The following IL17RA variants were observed in gnomAD, a reference collection of about 807,000 sequenced individuals.
IL17RA encodes interleukin-17 receptor A.
In IL17RA, 34 loss-of-function variants were observed where a neutral mutation model predicts 50.4. The ratio of observed to expected loss-of-function variants is 0.67; its 90% CI spans 0.51 to 0.90. The LOEUF is 0.90. Among genes scored for constraint, IL17RA ranks in the 40% least tolerant of loss-of-function variants. IL17RA has a pLI of 0.00. For missense variants in IL17RA, 1,276 were observed against 1,169.8 expected (o/e 1.09, Z -1.32); for synonymous variants, 585 against 510.4 (o/e 1.15, Z -1.97).
chr22:17,089,286 C>G (rs151036273), intron 1 of IL17RA, among the ~76,000 whole-genome samples: 1 of 152,158 alleles, frequency 6.6e-6, no homozygotes, highest in African/African-American at 2.4e-5. Flanking sequence ...AGCAAAACTT[C>G]GTCATGCAAA....
rs2061410286 is a variant in IL17RA at position 17,105,503 on chromosome 22, G to C, written c.932-88G>C. On this transcript the variant is annotated intron_variant, in intron 9 of 12. Coordinates refer to ENST00000319363, the MANE Select transcript of IL17RA (RefSeq NM_014339.7). ...CTGGTGCAGGGCCAACATCATTAAA[G>C]CCCTCAAGGGACGTCAGTTGTGTTT... 2.6e-5 allele frequency: 34 copies of C among 1,298,820 alleles called. 1 individual carries two copies. In the South Asian group the frequency reaches 3.9e-4, roughly 15 times the overall value. The allele number at this position is 1,298,820 out of a possible 1,614,324, so 80.5% of individuals were successfully genotyped here. A position where few individuals can be genotyped will look rare whatever the true frequency, so the allele number is the denominator to read the frequency against.
intron 1 of IL17RA, among the ~76,000 whole-genome samples, chr22:17,088,357 C>T (rs2123789524): frequency 6.6e-6 from 1 of 152,248 alleles, no homozygotes. Flanking sequence ...TTTGCTCTGT[C>T]GCCCAGGCTG....
chr22:17,094,671 C>CTATATATATATATATATGTGTATATA (rs1568917407), intron 1 of IL17RA, among the ~76,000 whole-genome samples: 6 of 40,764 alleles, frequency 1.5e-4, no homozygotes, highest in Non-Finnish European at 2.5e-4. Context: ...CTCTCTCTCT[C>CTATATATATATATATATGTGTATATA]TCTCTCTCTC....
chr22:17,089,151 T>G (rs1246714722), intron 1 of IL17RA, among the ~76,000 whole-genome samples: 1 of 151,592 alleles, frequency 6.6e-6, no homozygotes, highest in Non-Finnish European at 1.5e-5. Flanking sequence ...CAGACTGGTC[T>G]CGAACTCTTT....
Position 17,103,525 on chromosome 22 carries a change from A to T in IL17RA, c.794A>T (p.Asn265Ile). ...CCAGAAGAGTTCCACCAGCGATCCA[A>T]CGTCACACTCACTCTACGCAACCTT... ...PRPEEFHQRSNVTLTLRNLKG... is the reference protein window; with the variant it reads ...PRPEEFHQRSIVTLTLRNLKG... Residue 265 changes from asparagine to isoleucine, a missense_variant, in exon 8 of 13, where the codon AAC (asparagine) becomes ATC (isoleucine). Physicochemically the swap from Asn to Ile is moderately radical, Grantham distance 149 (BLOSUM62 -3). Transcript: ENST00000319363. The T allele has an allele frequency of 6.2e-7, 1 of 1,613,746 alleles. No homozygotes were observed. The highest frequency in any genetic ancestry group is 8.5e-7 in the Non-Finnish European group (1 of 1,179,936).
Position 17,102,170 on chromosome 22 carries a change from G to A in IL17RA, c.630G>A (p.Glu210=). 1 of 1,614,144 alleles carries A rather than the reference G, an allele frequency of 6.2e-7. No homozygotes were observed. Among genetic ancestry groups the A allele is most frequent in the African/African-American group, 1.3e-5 (1 of 75,024 alleles). ...GSLWDPNITV[E]TLEAHQLRVS... ...TGTGGGACCCCAACATCACCGTGGA[G>A]ACCCTGGAGGCCCACCAGCTGCGTG... Residue 210 remains glutamate (E), a synonymous_variant, in exon 7 of 13, where the codon GAG becomes GAA. Transcript: ENST00000319363.
At chr22:17,097,695 G>A (rs1205583680) in intron 2 of IL17RA, 102 bp from the exon 3 acceptor site, 22 of 1,439,008 alleles carry the variant, frequency 1.5e-5, no homozygotes, top group South Asian at 4.6e-5. Flanking sequence ...GGAAGGCCGC[G>A]GGCCCCTGAG....
chr22:17,101,020 C>A (rs2061389274), intron 5 of IL17RA, among the ~76,000 whole-genome samples: 1 of 152,170 alleles, frequency 6.6e-6, no homozygotes, highest in African/African-American at 2.4e-5. Flanking sequence ...ACTTCTCTGT[C>A]CTCCCCAGAA....
chr22:17,107,577 T>C (rs2061419521), intron 11 of IL17RA, 150 bp from the exon 12 acceptor site: 13 of 718,382 alleles, frequency 1.8e-5, no homozygotes, highest in Non-Finnish European at 3.1e-5. Flanking sequence ...GACTCATGCC[T>C]GTGCGACCAC....
chr22:17,107,860 C>A, intron 12 of IL17RA, 92 bp downstream of exon 12: 1 of 1,128,812 alleles, frequency 8.9e-7, no homozygotes, highest in Non-Finnish European at 1.3e-6. Context: ...TGTGCTCTAA[C>A]TCCCAAGTCC....
At position 17,097,878 on chromosome 22, in the gene IL17RA, T is replaced by G. The variant is rs768223829; in HGVS notation, c.245T>G (p.Phe82Cys). 3.1e-6 allele frequency: 5 copies of G among 1,614,200 alleles called. No individual in the cohort carries two copies. Among genetic ancestry groups the G allele is most frequent in the Non-Finnish European group, 3.4e-6 (4 of 1,180,016 alleles). ...AAGGACCTGCAGATCCAGCTGCACT[T>G]TGCCCACACCCAACAAGGAGACCTG... is the stretch of plus-strand genomic sequence containing the variant. ...SPKDLQIQLH[F>C]AHTQQGDLFP... The change falls in exon 3 of 13, where the codon TTT (phenylalanine) becomes TGT (cysteine). Residue 82 changes from phenylalanine (F) to cysteine (C), a missense_variant. Phe to Cys is a radical substitution (Grantham distance 205). Coordinates refer to ENST00000319363, the MANE Select transcript of IL17RA (RefSeq NM_014339.7).
intron 1 of IL17RA, among the ~76,000 whole-genome samples, chr22:17,093,109 G>C (rs73380089): frequency 0.011 from 1,700 of 150,888 alleles, 28 homozygotes; most frequent in African/African-American, 0.04. Flanking sequence ...TAATTGTTTT[G>C]ATCTATTTTT....
chr22:17,101,917 G>T, intron 5 of IL17RA, 79 bp from the exon 6 acceptor site: 1 of 1,568,332 alleles, frequency 6.4e-7, no homozygotes, highest in South Asian at 1.1e-5. Flanking sequence ...AAAGATTGTT[G>T]TTCTTGGTGT....
chr22:17,114,184 C>G lies in IL17RA; in HGVS notation c.*4364C>G, dbSNP rs1191867909. On this transcript the variant is annotated 3_prime_UTR_variant, in exon 13 of 13. Transcript: ENST00000319363. ...AGCAGCTACCCCTAAACCCATTGCA[C>G]AAGCTGTTCATGTTAATTCTGTACC... 2 of 152,150 alleles carry G rather than the reference C, an allele frequency of 1.3e-5. No homozygotes were observed. The highest frequency in any genetic ancestry group is 2.9e-5 in the Non-Finnish European group (2 of 68,034). The allele number at this position is 152,150 out of a possible 1,614,324, so 9.4% of individuals were successfully genotyped here.
chr22:17,092,040 AG>A (rs2061349985), intron 1 of IL17RA, among the ~76,000 whole-genome samples: 1 of 152,170 alleles, frequency 6.6e-6, no homozygotes, highest in Admixed American at 6.5e-5. Flanking sequence ...TTAGGATTAG[AG>A]GGCTGGGACG....
intron 1 of IL17RA, among the ~76,000 whole-genome samples, chr22:17,087,085 T>C (rs1389657944): frequency 6.6e-6 from 1 of 152,250 alleles, no homozygotes; most frequent in Non-Finnish European, 1.5e-5. Context: ...TGTATACACC[T>C]GCCTCACAGA....
chr22:17,096,155 G>A (rs2061367500), intron 1 of IL17RA, among the ~76,000 whole-genome samples: 1 of 152,082 alleles, frequency 6.6e-6, no homozygotes, highest in Non-Finnish European at 1.5e-5. Context: ...CTTCCTAATG[G>A]TTACATTTCC....
Position 17,098,828 on chromosome 22 carries a change from A to T in IL17RA, c.364A>T (p.Asn122Tyr). 4 of 1,614,188 alleles carry T rather than the reference A, an allele frequency of 2.5e-6. No homozygotes were observed. The highest frequency in any genetic ancestry group is 3.4e-6 in the Non-Finnish European group (4 of 1,180,030). The change falls in exon 4 of 13, where the codon AAT (asparagine) becomes TAT (tyrosine). Residue 122 changes from asparagine (N) to tyrosine (Y), a missense_variant. By Grantham distance (143) the Asn-to-Tyr change is moderately radical. Coordinates refer to ENST00000319363, the MANE Select transcript of IL17RA (RefSeq NM_014339.7). ...AELSVLQLNT[N>Y]ERLCVRFEFL... Reference sequence around the variant, plus strand: ...GTTATCTGTCCTGCAGCTGAACACCAATGAACGTTTGTGCGTCAGGTTTGA... The same window carrying T: ...GTTATCTGTCCTGCAGCTGAACACCTATGAACGTTTGTGCGTCAGGTTTGA...
intron 1 of IL17RA, among the ~76,000 whole-genome samples, chr22:17,085,558 G>A (rs528219332): frequency 1.2e-3 from 182 of 152,266 alleles, no homozygotes; most frequent in African/African-American, 4.3e-3. Context: ...GCGCGGCGCT[G>A]GGCCAGGCCG....
Sources: gnomAD v4.1 joint callset for allele counts (sites outside exome capture counted in the v4.1 genomes callset) on GRCh38, gnomAD v4.1.1 for gene constraint, MANE v1.5 for transcripts, NCBI Gene and HGNC (gene_info 2026-07-23, HGNC 2026-07-21) for gene names.